The following FHOD3 variants were observed in gnomAD, a reference collection of about 807,000 sequenced individuals.
FHOD3 encodes the protein formin homology 2 domain containing 3, also known as FH1/FH2 domain-containing protein 3.
A neutral mutation model predicts 173.0 loss-of-function variants in FHOD3; 90 were observed. That is an observed-to-expected ratio of 0.52 (90% confidence interval 0.44 to 0.62). FHOD3 has a LOEUF of 0.62. FHOD3 is among the 20% of genes least tolerant of loss of function. The pLI, the probability that FHOD3 is intolerant of heterozygous loss-of-function variation, is 0.00. For missense variants in FHOD3, 1,945 were observed against 2,034.7 expected (o/e 0.96, Z 0.85); for synonymous variants, 828 against 823.0 (o/e 1.01, Z -0.10).
At chr18:36,739,571 C>T (rs1423667511) in intron 20 of FHOD3, among the ~76,000 whole-genome samples, 1 of 152,200 alleles carries the variant, frequency 6.6e-6, no homozygotes, top group Non-Finnish European at 1.5e-5. Flanking sequence ...AACATCTTGT[C>T]TGCGTTGAGT....
chr18:36,500,880 A>C (rs2054996944), intron 3 of FHOD3, among the ~76,000 whole-genome samples: 1 of 152,176 alleles, frequency 6.6e-6, no homozygotes, highest in East Asian at 1.9e-4. Context: ...AACCCTATGC[A>C]CACCTGAGCC....
intron 10 of FHOD3, among the ~76,000 whole-genome samples, chr18:36,637,013 C>T (rs1438073560): frequency 2.6e-5 from 4 of 152,088 alleles, no homozygotes; most frequent in African/African-American, 9.7e-5. Context: ...GTACCTTGGA[C>T]TCTACCTTTG....
At chr18:36,550,243 C>CATATAT (rs371573246) in intron 5 of FHOD3, among the ~76,000 whole-genome samples, 6,793 of 120,592 alleles carry the variant, frequency 0.056, 350 homozygotes, top group South Asian at 0.2. Context: ...AGTGGTAGAC[C>CATATAT]ATATATATAT....
At chr18:36,328,801 A>G (rs944347008) in intron 1 of FHOD3, among the ~76,000 whole-genome samples, 1 of 152,204 alleles carries the variant, frequency 6.6e-6, no homozygotes, top group African/African-American at 2.4e-5. Flanking sequence ...AGCAGCTGGA[A>G]GGACAGAGCT....
At chr18:36,603,714 G>A (rs1028169428) in intron 8 of FHOD3, among the ~76,000 whole-genome samples, 1 of 152,084 alleles carries the variant, frequency 6.6e-6, no homozygotes, top group African/African-American at 2.4e-5. Context: ...ATATTGGCCA[G>A]GCTGGTCTTG....
intron 1 of FHOD3, among the ~76,000 whole-genome samples, chr18:36,306,757 A>G (rs1673491609): frequency 6.6e-6 from 1 of 152,118 alleles, no homozygotes; most frequent in Admixed American, 6.6e-5. Flanking sequence ...TCTGGCACAT[A>G]GTGAGTGTAC....
chr18:36,636,329 G>A (rs2034878993), intron 10 of FHOD3, among the ~76,000 whole-genome samples: 1 of 152,162 alleles, frequency 6.6e-6, no homozygotes, highest in African/African-American at 2.4e-5. Context: ...ACTAAGCTGG[G>A]TTGATCAAAT....
chr18:36,367,916 C>T lies in FHOD3; in HGVS notation c.273-4764C>T, dbSNP rs890464631. On this transcript the variant is annotated intron_variant, in intron 2 of 28. Transcript: ENST00000590592. The stretch of plus-strand genomic sequence containing the variant: ...TTTGGCAGTCACCCCCCCATCCCTC[C>T]CCACCGCTTTCTCCCCAGCCACCTT... Among the ~76,000 whole-genome samples the T allele has an allele frequency of 3.3e-5, 5 of 151,944 alleles. No homozygotes were observed. In the East Asian group the frequency reaches 9.7e-4, roughly 29 times the overall value.
At chr18:36,457,584 T>C (rs1484583834) in intron 3 of FHOD3, among the ~76,000 whole-genome samples, 2 of 151,446 alleles carry the variant, frequency 1.3e-5, no homozygotes, top group Non-Finnish European at 2.9e-5. Flanking sequence ...AGTTTGCTTT[T>C]ATTGGCAGAG....
chr18:36,454,070 A>G (rs1382077571), intron 3 of FHOD3, among the ~76,000 whole-genome samples: 2 of 152,172 alleles, frequency 1.3e-5, no homozygotes, highest in African/African-American at 4.8e-5. Flanking sequence ...TTTAAAATCC[A>G]ATGTATTTTG....
chr18:36,699,295 C>T (rs1054915714), intron 17 of FHOD3, among the ~76,000 whole-genome samples: 3 of 152,154 alleles, frequency 2.0e-5, no homozygotes, highest in African/African-American at 7.2e-5. Context: ...TCTTATTTAA[C>T]AAAAAAGAAA....
At chr18:36,399,891 C>A (rs2048724069) in intron 3 of FHOD3, among the ~76,000 whole-genome samples, 1 of 152,226 alleles carries the variant, frequency 6.6e-6, no homozygotes, top group South Asian at 2.1e-4. Context: ...CACGAGATGG[C>A]TGCTGGCCCA....
At chr18:36,765,611 G>T (rs1252442709) in intron 27 of FHOD3, among the ~76,000 whole-genome samples, 1 of 152,110 alleles carries the variant, frequency 6.6e-6, no homozygotes, top group Non-Finnish European at 1.5e-5. Context: ...GGGTAAAAAG[G>T]TAGATAATTT....
At chr18:36,300,806 A>G (rs1010920231) in intron 1 of FHOD3, among the ~76,000 whole-genome samples, 20 of 151,568 alleles carry the variant, frequency 1.3e-4, no homozygotes, top group Admixed American at 9.2e-4. Context: ...TGGTGTGATC[A>G]TGGCTCACTG....
chr18:36,460,115 A>G (rs1362703883), intron 3 of FHOD3, among the ~76,000 whole-genome samples: 1 of 152,184 alleles, frequency 6.6e-6, no homozygotes, highest in Non-Finnish European at 1.5e-5. Flanking sequence ...CCCATCAAGG[A>G]CTAGTACTGT....
At position 36,612,213 on chromosome 18, in the gene FHOD3, T is replaced by C. The variant is rs2032755013; in HGVS notation, c.957+118T>C. The C allele has an allele frequency of 6.2e-6, 7 of 1,123,986 alleles. No homozygotes were observed. In the South Asian group the frequency reaches 1.2e-4, roughly 18 times the overall value. 69.6% of individuals were successfully genotyped at this position (1,123,986 alleles called of 1,614,324 possible). A position where few individuals can be genotyped will look rare whatever the true frequency, so the allele number is the denominator to read the frequency against. On this transcript the variant is annotated intron_variant, in intron 9 of 28. Transcript: ENST00000590592. ...TGAGCACCACCAGCTTATTAGAAAC[T>C]CAGCATCGTAGGCTTCACCCCAGAC...
intron 22 of FHOD3, 105 bp downstream of exon 22, chr18:36,742,961 A>G: frequency 7.0e-7 from 1 of 1,430,920 alleles, no homozygotes. Context: ...AGCACAGTGG[A>G]ACAAATGACT....
chr18:36,484,744 G>GC lies in FHOD3; in HGVS notation c.338-17182dup, dbSNP rs200579802. On this transcript the variant is annotated intron_variant, in intron 3 of 28. Coordinates refer to ENST00000590592, the MANE Select transcript of FHOD3 (RefSeq NM_001281740.3). ...ATATGTAGACACAGGAAAAGCTCCA[G>GC]CCCCCCAGGGGGTGTGGTGAAGGCT... 6.3e-3 allele frequency among the ~76,000 whole-genome samples: 954 copies of GC among 152,184 alleles called. 5 individuals carry two copies. The highest frequency in any genetic ancestry group is 0.022 in the African/African-American group (898 of 41,522).
chr18:36,638,845 A>G (rs113958573), intron 10 of FHOD3, among the ~76,000 whole-genome samples: 355 of 152,316 alleles, frequency 2.3e-3, no homozygotes, highest in African/African-American at 7.7e-3. Flanking sequence ...ACCACCCTCA[A>G]CAGCCTTGAG....
Sources: allele counts gnomAD v4.1 joint callset (sites outside exome capture counted in the v4.1 genomes callset), GRCh38; gene constraint gnomAD v4.1.1; transcripts MANE v1.5; gene names NCBI Gene and HGNC (gene_info 2026-07-23, HGNC 2026-07-21).